FRMD4B: variants seen among roughly 807,000 people sequenced by gnomAD.
FRMD4B encodes FERM domain-containing protein 4B.
A neutral mutation model predicts 141.5 loss-of-function variants in FRMD4B; 74 were observed. The observed-to-expected ratio is 0.52, with a 90% CI of 0.43 to 0.63. FRMD4B has a LOEUF of 0.63. FRMD4B is among the 30% of genes least tolerant of loss of function. FRMD4B has a pLI of 0.00. For missense variants in FRMD4B, 1,366 were observed against 1,253.4 expected, an observed-to-expected ratio of 1.09 and a Z score of -1.36; for synonymous variants, 506 against 467.9, an observed-to-expected ratio of 1.08 and a Z score of -1.05.
intron 1 of FRMD4B, among the ~76,000 whole-genome samples, chr3:69,452,997 T>C (rs1217782286): frequency 2.0e-5 from 3 of 152,276 alleles, no homozygotes; most frequent in African/African-American, 7.2e-5. Context: ...CAAAATCCAG[T>C]GTGTGCTTTA....
At chr3:69,527,614 T>C (rs185169311) in intron 1 of FRMD4B, among the ~76,000 whole-genome samples, 5 of 152,374 alleles carry the variant, frequency 3.3e-5, no homozygotes, top group African/African-American at 9.6e-5. Flanking sequence ...ACAATGCTAT[T>C]TTGAAATATG....
At chr3:69,248,257 A>G (rs1451087475) in intron 7 of FRMD4B, among the ~76,000 whole-genome samples, 2 of 151,830 alleles carry the variant, frequency 1.3e-5, no homozygotes, top group African/African-American at 4.8e-5. Flanking sequence ...ACACACACAC[A>G]CACAAATATA....
intron 19 of FRMD4B, among the ~76,000 whole-genome samples, chr3:69,183,583 C>T (rs890245320): frequency 3.4e-5 from 5 of 147,828 alleles, no homozygotes; most frequent in East Asian, 2.1e-4. Flanking sequence ...CCTGGGTTCA[C>T]GCCATTCTCC....
intron 1 of FRMD4B, among the ~76,000 whole-genome samples, chr3:69,357,948 T>G (rs1402091989): frequency 2.0e-5 from 3 of 152,216 alleles, no homozygotes; most frequent in Non-Finnish European, 1.5e-5. Flanking sequence ...ATCAAATACA[T>G]GCAGAGGCCT....
intron 8 of FRMD4B, among the ~76,000 whole-genome samples, chr3:69,223,766 T>C (rs1198929427): frequency 6.6e-6 from 1 of 152,090 alleles, no homozygotes; most frequent in South Asian, 2.1e-4. Flanking sequence ...TTGAACCAGG[T>C]TGCAGTGAGC....
At chr3:69,176,070 G>A (rs1193066078) in intron 22 of FRMD4B, among the ~76,000 whole-genome samples, 1 of 152,098 alleles carries the variant, frequency 6.6e-6, no homozygotes, top group Admixed American at 6.6e-5. Flanking sequence ...ATGAGCCACC[G>A]TGCCCGGCAG....
chr3:69,241,050 G>A (rs2093378962), intron 7 of FRMD4B, among the ~76,000 whole-genome samples: 1 of 152,208 alleles, frequency 6.6e-6, no homozygotes, highest in African/African-American at 2.4e-5. Flanking sequence ...GTCCACTCCA[G>A]TGGAGAAAGA....
intron 1 of FRMD4B, among the ~76,000 whole-genome samples, chr3:69,350,485 A>G (rs1352247404): frequency 1.3e-5 from 2 of 152,160 alleles, no homozygotes; most frequent in Non-Finnish European, 2.9e-5. Context: ...TATATACCCA[A>G]AGGATTATAA....
At chr3:69,323,487 C>A (rs1331434087) in intron 1 of FRMD4B, among the ~76,000 whole-genome samples, 1 of 151,450 alleles carries the variant, frequency 6.6e-6, no homozygotes, top group Admixed American at 6.6e-5. Context: ...ATTGCTTGAA[C>A]CCAGTGGGTG....
chr3:69,419,663 G>A (rs1704936169), intron 2 of FRMD4B, among the ~76,000 whole-genome samples: 1 of 152,150 alleles, frequency 6.6e-6, no homozygotes, highest in Admixed American at 6.5e-5. Flanking sequence ...AATCACAGGT[G>A]CCCATGACAT....
chr3:69,213,427 A>T (rs2093106618), intron 11 of FRMD4B, among the ~76,000 whole-genome samples: 1 of 152,052 alleles, frequency 6.6e-6, no homozygotes, highest in Non-Finnish European at 1.5e-5. Flanking sequence ...TATTTGAAAA[A>T]ATTGGGTATC....
chr3:69,372,863 T>C (rs1001713339), intron 1 of FRMD4B, among the ~76,000 whole-genome samples: 3 of 152,194 alleles, frequency 2.0e-5, no homozygotes, highest in Admixed American at 6.5e-5. Context: ...AAGGCAGGTA[T>C]AATATTAATA....
intron 1 of FRMD4B, among the ~76,000 whole-genome samples, chr3:69,355,509 A>G (rs1053670043): frequency 6.6e-6 from 1 of 152,128 alleles, no homozygotes; most frequent in East Asian, 1.9e-4. Flanking sequence ...AACTAGTGGG[A>G]CATTTCTGAT....
In FRMD4B at chr3:69,196,248, A is replaced by T. The variant is rs1000400876; in HGVS notation, c.1234+7T>A. 3 of 1,576,292 alleles carry T rather than the reference A, an allele frequency of 1.9e-6. No homozygotes were observed. The highest frequency in any genetic ancestry group is 2.6e-6 in the Non-Finnish European group (3 of 1,167,172). On this transcript the variant is annotated splice_region_variant and intron_variant, in intron 14 of 22. Transcript: ENST00000398540. ...GGCTTGCACGTTCTCTAATCCCAAG[A>T]TGTTACCTGAGGAGATTAAACTGCC...
intron 2 of FRMD4B, among the ~76,000 whole-genome samples, chr3:69,412,354 T>C (rs1704774006): frequency 6.6e-6 from 1 of 152,238 alleles, no homozygotes; most frequent in Non-Finnish European, 1.5e-5. Flanking sequence ...CAGTTGTTAC[T>C]GGAGTCAGAC....
intron 1 of FRMD4B, among the ~76,000 whole-genome samples, chr3:69,317,590 TA>T (rs1701845435): frequency 6.6e-6 from 1 of 151,546 alleles, no homozygotes; most frequent in African/African-American, 2.4e-5. Flanking sequence ...TTGTCTCTAC[TA>T]AAAAAATACA....
intron 7 of FRMD4B, among the ~76,000 whole-genome samples, chr3:69,248,819 C>A (rs180812144): frequency 1.2e-3 from 184 of 152,380 alleles, no homozygotes; most frequent in African/African-American, 4.2e-3. Context: ...TGAAAGAAAG[C>A]CCCTATTAAT....
intron 17 of FRMD4B, among the ~76,000 whole-genome samples, chr3:69,192,601 T>G (rs2092850438): frequency 6.6e-6 from 1 of 152,150 alleles, no homozygotes. Context: ...CATAAATACA[T>G]AATGTTGAGA....
At chr3:69,514,338 C>T (rs918618489) in intron 1 of FRMD4B, among the ~76,000 whole-genome samples, 1 of 151,846 alleles carries the variant, frequency 6.6e-6, no homozygotes, top group African/African-American at 2.4e-5. Context: ...TAAGAATAAG[C>T]TAAGCAAGGA....
Sources: allele counts gnomAD v4.1 joint callset (sites outside exome capture counted in the v4.1 genomes callset), GRCh38; gene constraint gnomAD v4.1.1; transcripts MANE v1.5; gene names NCBI Gene and HGNC (gene_info 2026-07-23, HGNC 2026-07-21).